The following POLDIP2 variants were observed in gnomAD, a reference collection of about 807,000 sequenced individuals.
POLDIP2 encodes polymerase delta-interacting protein 2.
In POLDIP2, 32 loss-of-function variants were observed where a neutral mutation model predicts 52.9. That is an observed-to-expected ratio of 0.61 (90% CI 0.46 to 0.81). The LOEUF (loss-of-function observed/expected upper bound fraction) is 0.81. POLDIP2 is among the 40% of genes least tolerant of loss of function. The pLI, the probability that POLDIP2 is intolerant of heterozygous loss-of-function variation, is 0.00. For missense variants in POLDIP2, 371 were observed against 477.3 expected (o/e 0.78, Z 2.07); for synonymous variants, 183 against 183.0 (o/e 1.00, Z 0.00).
intron 4 of POLDIP2, 129 bp from the exon 5 acceptor site, chr17:28,353,445 C>G (rs1555580400): frequency 1.5e-5 from 9 of 618,488 alleles, no homozygotes; most frequent in Non-Finnish European, 3.0e-6. Flanking sequence ...TCACTTGAAC[C>G]CGGGAGGCAG....
In POLDIP2 at chr17:28,348,183, C is replaced by A; in HGVS notation, c.1041G>T (p.Arg347=). 6.2e-7 allele frequency: 1 copy of A among 1,613,888 alleles called. No homozygotes were observed. Among genetic ancestry groups the A allele is most frequent in the Non-Finnish European group, 8.5e-7 (1 of 1,179,814 alleles). Residue 347 remains arginine, a synonymous_variant, in exon 11 of 11, where the codon CGG becomes CGT. Transcript: ENST00000540200. Reference sequence around the variant, plus strand: ...TGCTTTCCAGGGAGAAGGGAGGAATCCGAACATCAAAGTGGGAGCCATCAG... The same window carrying A: ...TGCTTTCCAGGGAGAAGGGAGGAATACGAACATCAAAGTGGGAGCCATCAG... ...ERPDGSHFDV[R]IPPFSLESNK...
At chr17:28,352,819 G>A (rs756784198) in intron 6 of POLDIP2, 93 bp downstream of exon 6, 73 of 757,788 alleles carry the variant, frequency 9.6e-5, no homozygotes, top group Non-Finnish European at 1.5e-4. Context: ...GATTACAGGC[G>A]TGAGCCACCG....
Position 28,357,369 on chromosome 17 carries a change from G to A in POLDIP2, c.80C>T (p.Pro27Leu). The change falls in exon 1 of 11, where the codon CCA becomes CTA. Residue 27 changes from proline to leucine, a missense_variant. Physicochemically the swap from Pro to Leu is moderately conservative, Grantham distance 98 (BLOSUM62 -3). Coordinates refer to ENST00000540200, the MANE Select transcript of POLDIP2 (RefSeq NM_015584.5). Reference sequence around the variant, plus strand: ...TCCGGCCGCCGCACAGAGCGGCCTTGGCCACCGGGCCCCAGTCAGCGACCG... The same window carrying A: ...TCCGGCCGCCGCACAGAGCGGCCTTAGCCACCGGGCCCCAGTCAGCGACCG... ...WSRSLTGARW[P>L]RPLCAAAGAG... 2 of 1,551,498 alleles carry A rather than the reference G, an allele frequency of 1.3e-6. No individual in the cohort carries two copies. Among genetic ancestry groups the A allele is most frequent in the Non-Finnish European group, 1.7e-6 (2 of 1,160,180 alleles).
rs373318419 is a variant in POLDIP2 at position 28,348,049 on chromosome 17, G to A, written c.*68C>T. The A allele has an allele frequency of 1.6e-5, 14 of 887,838 alleles. No homozygotes were observed. Among genetic ancestry groups the A allele is most frequent in the Middle Eastern group, 2.1e-4 (1 of 4,658 alleles). The allele number at this position is 887,838 out of a possible 1,614,324, so 55.0% of individuals were successfully genotyped here. On this transcript the variant is annotated 3_prime_UTR_variant, in exon 11 of 11. Transcript: ENST00000540200. ...CCCATGATGGGGAGAGAAGAGTTCT[G>A]CAGCAATTGTGGGATGAGAGTTGTT...
intron 1 of POLDIP2, among the ~76,000 whole-genome samples, chr17:28,356,605 C>T (rs1487100857): frequency 5.3e-5 from 8 of 152,156 alleles, no homozygotes; most frequent in African/African-American, 1.7e-4. Flanking sequence ...ATCATCTCTC[C>T]CCAATGTTCA....
chr17:28,352,993 T>G lies in POLDIP2; in HGVS notation c.541A>C (p.Ile181Leu). The change falls in exon 6 of 11, where the codon ATC becomes CTC. Residue 181 changes from isoleucine to leucine, a missense_variant. Physicochemically the swap from Ile to Leu is conservative, Grantham distance 5. Coordinates refer to ENST00000540200, the MANE Select transcript of POLDIP2 (RefSeq NM_015584.5). ...PGLDYVSHED[I>L]LPYTSTDQVP... Reference sequence around the variant, plus strand: ...TGATCAGTGGAGGTGTAGGGGAGGATGTCTTCATGGCTGACATAGTCCAAG... The same window carrying G: ...TGATCAGTGGAGGTGTAGGGGAGGAGGTCTTCATGGCTGACATAGTCCAAG... 1 of 1,229,476 alleles carries G rather than the reference T, an allele frequency of 8.1e-7. No individual in the cohort carries two copies. The highest frequency in any genetic ancestry group is 1.2e-6 in the Non-Finnish European group (1 of 828,848). 76.2% of individuals were successfully genotyped at this position (1,229,476 alleles called of 1,614,324 possible).
Position 28,350,777 on chromosome 17 carries a change from G to T in POLDIP2, c.775C>A (p.His259Asn). The change falls in exon 8 of 11, where the codon CAC becomes AAC. Residue 259 changes from histidine to asparagine, a missense_variant. Coordinates refer to ENST00000540200, the MANE Select transcript of POLDIP2 (RefSeq NM_015584.5). ...ACAGTGACACTCACCCAGTACACGT[G>T]GGAATTCTGGGCTTCCTAGGGAGAA... ...YMGMREAQNS[H>N]VYWWRYCIRL... 6.3e-7 allele frequency: 1 copy of T among 1,594,062 alleles called. No individual in the cohort carries two copies. The highest frequency in any genetic ancestry group is 1.3e-5 in the African/African-American group (1 of 74,366).
At position 28,357,347 on chromosome 17, in the gene POLDIP2, G is replaced by A. The variant is rs201357006; in HGVS notation, c.102C>T (p.Ala34=). The change falls in exon 1 of 11, where the codon GCC becomes GCT. Residue 34 remains alanine (A), a synonymous_variant. Coordinates refer to ENST00000540200, the MANE Select transcript of POLDIP2 (RefSeq NM_015584.5). ...ARWPRPLCAA[A]GAGAFSPAST... ...ACGCTGGCGAGAAGGCTCCAGCTCC[G>A]GCCGCCGCACAGAGCGGCCTTGGCC... 1.2e-3 allele frequency: 1,905 copies of A among 1,573,656 alleles called. 30 individuals carry two copies. The African/African-American group carries it at 0.024, about 20-fold the overall frequency.
chr17:28,349,906 C>T (rs1469442719), intron 9 of POLDIP2, among the ~76,000 whole-genome samples: 2 of 152,196 alleles, frequency 1.3e-5, no homozygotes, highest in Admixed American at 6.5e-5. Flanking sequence ...CCCCAGTCCT[C>T]GCTGACTTTG....
At chr17:28,352,243 T>TTTTTTTTTTTC in intron 6 of POLDIP2, among the ~76,000 whole-genome samples, 2 of 133,076 alleles carry the variant, frequency 1.5e-5, no homozygotes, top group African/African-American at 5.9e-5. Context: ...ATTTCTTTTT[T>TTTTTTTTTTTC]TTTTTTTTTT....
At chr17:28,349,292 C>T (rs1271750946) in intron 9 of POLDIP2, 130 bp from the exon 10 acceptor site, 40 of 634,268 alleles carry the variant, frequency 6.3e-5, no homozygotes, top group South Asian at 2.6e-4. Flanking sequence ...ACAGCAGGCA[C>T]TCCCATAGCA....
In POLDIP2 at chr17:28,350,800, G is replaced by C. The variant is rs782170931; in HGVS notation, c.760-8C>G. The C allele has an allele frequency of 4.3e-5, 68 of 1,582,386 alleles. No homozygotes were observed. Among genetic ancestry groups the C allele is most frequent in the Non-Finnish European group, 5.1e-5 (59 of 1,163,834 alleles). On this transcript the variant is annotated splice_region_variant and splice_polypyrimidine_tract_variant and intron_variant, in intron 7 of 10. Transcript: ENST00000540200. ...GTGGGAATTCTGGGCTTCCTAGGGA[G>C]AAAACAAAAAGAATTTAAGTCCCAC...
At chr17:28,349,928 T>C (rs1555579661) in intron 9 of POLDIP2, among the ~76,000 whole-genome samples, 1 of 152,196 alleles carries the variant, frequency 6.6e-6, no homozygotes, top group East Asian at 1.9e-4. Flanking sequence ...TAAATGCTTG[T>C]TGAATGTGGC....
chr17:28,356,103 T>C lies in POLDIP2; in HGVS notation c.162-227A>G, dbSNP rs80149781. Among the ~76,000 whole-genome samples the C allele has an allele frequency of 4.9e-3, 747 of 151,524 alleles. 8 individuals are homozygous for C. Among genetic ancestry groups the C allele is most frequent in the African/African-American group, 0.017 (713 of 41,266 alleles). On this transcript the variant is annotated intron_variant, in intron 1 of 10. Transcript: ENST00000540200. The stretch of plus-strand genomic sequence containing the variant: ...GCTCCCATACTACTGTCTTCTCTCT[T>C]CACTGGGCATTCTTCATATCATGCC...
intron 2 of POLDIP2, 79 bp downstream of exon 2, chr17:28,355,716 C>A: frequency 4.3e-6 from 4 of 932,866 alleles, no homozygotes; most frequent in Non-Finnish European, 6.9e-6. Context: ...CCATACCATG[C>A]AGGCCTGTGA....
Position 28,351,545 on chromosome 17 carries a change from GAAGCA to G in POLDIP2, c.759+114_759+118del. 10 of 973,076 alleles carry G rather than the reference GAAGCA, an allele frequency of 1.0e-5. No individual in the cohort carries two copies. In the South Asian group the frequency reaches 1.4e-4, roughly 14 times the overall value. 60.3% of individuals were successfully genotyped at this position (973,076 alleles called of 1,614,324 possible). A position where few individuals can be genotyped will look rare whatever the true frequency, so the allele number is the denominator to read the frequency against. On this transcript the variant is annotated intron_variant, in intron 7 of 10. Transcript: ENST00000540200. ...CCCACCCAACACATGCCACCACTTG[GAAGCA>G]GAACCACAGGGACATGGTTTATATT...
At chr17:28,349,716 C>T (rs782239759) in intron 9 of POLDIP2, among the ~76,000 whole-genome samples, 1 of 152,192 alleles carries the variant, frequency 6.6e-6, no homozygotes, top group Non-Finnish European at 1.5e-5. Flanking sequence ...CTGCAAACCT[C>T]TGCTGCTTTA....
chr17:28,351,870 A>T (rs1310002881), intron 6 of POLDIP2, 70 bp from the exon 7 acceptor site: 1 of 1,409,616 alleles, frequency 7.1e-7, no homozygotes, highest in African/African-American at 1.4e-5. Context: ...CCAATCACAC[A>T]ATAGTCCAGT....
Position 28,353,795 on chromosome 17 carries a change from T to A in POLDIP2, c.342-4A>T. The A allele has an allele frequency of 6.2e-7, 1 of 1,604,504 alleles. No homozygotes were observed. Among genetic ancestry groups the A allele is most frequent in the Non-Finnish European group, 8.5e-7 (1 of 1,171,492 alleles). Reference sequence around the variant, plus strand: ...ATGGCCAGCAGGGTTCTCTGCTCTATGGGGTGGGAGAAGGAGGCCAAGATC... The same window carrying A: ...ATGGCCAGCAGGGTTCTCTGCTCTAAGGGGTGGGAGAAGGAGGCCAAGATC... On this transcript the variant is annotated splice_polypyrimidine_tract_variant and splice_region_variant and intron_variant, in intron 3 of 10. Coordinates refer to ENST00000540200, the MANE Select transcript of POLDIP2 (RefSeq NM_015584.5).
Sources: gnomAD v4.1 joint callset for allele counts (sites outside exome capture counted in the v4.1 genomes callset) on GRCh38, gnomAD v4.1.1 for gene constraint, MANE v1.5 for transcripts, NCBI Gene and HGNC (gene_info 2026-07-23, HGNC 2026-07-21) for gene names.